Variants in SLC30A8 observed in about 807,000 individuals in gnomAD.
SLC30A8 encodes proton-coupled zinc antiporter SLC30A8.
Under a neutral mutation model 36.9 loss-of-function variants are expected in SLC30A8, and 27 were observed. That is an observed-to-expected ratio of 0.73 (90% CI 0.54 to 1.01). SLC30A8 has a LOEUF of 1.01. Among genes scored for constraint, SLC30A8 ranks in the 50% least tolerant of loss-of-function variants. SLC30A8 has a pLI of 0.00. For missense variants in SLC30A8, 439 were observed against 452.0 expected, an observed-to-expected ratio of 0.97 and a Z score of 0.26; for synonymous variants, 164 against 172.4, an observed-to-expected ratio of 0.95 and a Z score of 0.38.
chr8:117,033,244 C>A (rs933687229), intron 1 of SLC30A8, among the ~76,000 whole-genome samples: 1 of 152,130 alleles, frequency 6.6e-6, no homozygotes, highest in Non-Finnish European at 1.5e-5. Context: ...GGAAAGAACC[C>A]AAATGTCAAT....
chr8:116,976,664 T>C (rs1010690792), intron 1 of SLC30A8, among the ~76,000 whole-genome samples: 2 of 152,082 alleles, frequency 1.3e-5, no homozygotes, highest in African/African-American at 4.8e-5. Context: ...AGAGGGCAAT[T>C]GACAGGGAAT....
At chr8:117,133,557 T>C (rs1291207432), upstream of SLC30A8, among the ~76,000 whole-genome samples, 1 of 151,804 alleles carries the variant, frequency 6.6e-6, no homozygotes, top group African/African-American at 2.4e-5. Context: ...TGCTTATCTC[T>C]TTTTTTTGTA....
chr8:117,018,133 A>G (rs1306017536), intron 1 of SLC30A8: 1 of 152,118 alleles, frequency 6.6e-6, no homozygotes, highest in East Asian at 1.9e-4. Context: ...AGAGGGATGA[A>G]CTGGCCCAGG....
chr8:117,123,816 C>A (rs571616608), intron 2 of SLC30A8, among the ~76,000 whole-genome samples: 2 of 151,992 alleles, frequency 1.3e-5, no homozygotes, highest in African/African-American at 4.8e-5. Context: ...ATTTTAATTT[C>A]TCAATTCATT....
intron 1 of SLC30A8, among the ~76,000 whole-genome samples, chr8:117,011,252 T>C (rs1337397483): frequency 6.6e-6 from 1 of 152,326 alleles, no homozygotes; most frequent in South Asian, 2.1e-4. Flanking sequence ...CTTTGCAGTA[T>C]GTGAACCAAC....
intron 2 of SLC30A8, 114 bp from the exon 3 acceptor site, chr8:117,152,830 T>C: frequency 1.2e-6 from 1 of 827,852 alleles, no homozygotes; most frequent in Non-Finnish European, 1.8e-6. Flanking sequence ...TAAGATCTCT[T>C]TTTCCTCTAA....
At chr8:117,146,009 A>G (rs1821878662) in intron 1 of SLC30A8, among the ~76,000 whole-genome samples, 2 of 152,164 alleles carry the variant, frequency 1.3e-5, no homozygotes, top group Non-Finnish European at 2.9e-5. Flanking sequence ...ATTAATGGGT[A>G]CAAATGTATG....
chr8:116,959,798 C>T (rs1391520265), intron 1 of SLC30A8, among the ~76,000 whole-genome samples: 1 of 152,182 alleles, frequency 6.6e-6, no homozygotes, highest in East Asian at 1.9e-4. Context: ...TGTGTGAAGA[C>T]TGGGTTTCCT....
chr8:116,981,931 T>G (rs1815280767), intron 1 of SLC30A8, among the ~76,000 whole-genome samples: 1 of 152,188 alleles, frequency 6.6e-6, no homozygotes, highest in South Asian at 2.1e-4. Context: ...GTGTATATAC[T>G]CAGTAATAGG....
intron 2 of SLC30A8, among the ~76,000 whole-genome samples, chr8:117,097,166 G>T (rs1023326759): frequency 1.3e-5 from 2 of 151,320 alleles, no homozygotes; most frequent in Non-Finnish European, 2.9e-5. Context: ...TTGGGAGGCC[G>T]AGGTGGGCAG....
chr8:116,951,622 A>G (rs1813994743), intron 1 of SLC30A8, among the ~76,000 whole-genome samples: 1 of 151,930 alleles, frequency 6.6e-6, no homozygotes. Flanking sequence ...TACAAGCAAC[A>G]TGAGAGCCCA....
At chr8:117,114,440 A>G (rs1361769301) in intron 2 of SLC30A8, among the ~76,000 whole-genome samples, 8 of 152,096 alleles carry the variant, frequency 5.3e-5, no homozygotes, top group Non-Finnish European at 1.2e-4. Flanking sequence ...AGAGAGCAGA[A>G]AATCAATCTG....
chr8:116,997,781 C>T (rs945728343), intron 1 of SLC30A8, among the ~76,000 whole-genome samples: 2 of 152,080 alleles, frequency 1.3e-5, no homozygotes, highest in Non-Finnish European at 2.9e-5. Flanking sequence ...TTGCTCCAGT[C>T]GTTCATTCAT....
intron 2 of SLC30A8, among the ~76,000 whole-genome samples, chr8:117,067,499 A>G (rs914536604): frequency 1.3e-5 from 2 of 151,874 alleles, no homozygotes; most frequent in African/African-American, 4.8e-5. Flanking sequence ...TTCTAATTCA[A>G]CTCTTCAAAG....
intron 2 of SLC30A8, among the ~76,000 whole-genome samples, chr8:117,063,304 G>A (rs191220716): frequency 6.6e-6 from 1 of 152,240 alleles, no homozygotes; most frequent in Non-Finnish European, 1.5e-5. Context: ...GGCAGAGCAG[G>A]ATTTTGCGTG....
intron 7 of SLC30A8, among the ~76,000 whole-genome samples, chr8:117,171,493 T>G (rs539717362): frequency 1.2e-4 from 18 of 152,094 alleles, no homozygotes; most frequent in Non-Finnish European, 1.9e-4. Context: ...AGTCAAATAA[T>G]AGGAATGAAT....
chr8:117,021,140 C>T (rs75890618), intron 1 of SLC30A8, among the ~76,000 whole-genome samples: 2,391 of 152,132 alleles, frequency 0.016, 67 homozygotes, highest in African/African-American at 0.055. Flanking sequence ...TATATAGGTA[C>T]CTAGTGTAAT....
chr8:117,043,047 T>C (rs1429916754), intron 2 of SLC30A8, among the ~76,000 whole-genome samples: 4 of 152,220 alleles, frequency 2.6e-5, no homozygotes, highest in Non-Finnish European at 5.9e-5. Context: ...GGGTTTATGC[T>C]TAGGATCATA....
chr8:116,956,064 G>T (rs1403473357), intron 1 of SLC30A8, among the ~76,000 whole-genome samples: 1 of 152,152 alleles, frequency 6.6e-6, no homozygotes, highest in Non-Finnish European at 1.5e-5. Flanking sequence ...ATTTATGTTG[G>T]CAATAAATGT....
Sources: allele counts gnomAD v4.1 joint callset (sites outside exome capture counted in the v4.1 genomes callset), GRCh38; gene constraint gnomAD v4.1.1; transcripts MANE v1.5; gene names NCBI Gene and HGNC (gene_info 2026-07-23, HGNC 2026-07-21).